EIF4E3: variants seen among roughly 807,000 people sequenced by gnomAD.
EIF4E3 encodes the protein eukaryotic translation initiation factor 4E type 3.
In EIF4E3, 26 loss-of-function variants were observed where a neutral mutation model predicts 31.7. The ratio of observed to expected loss-of-function variants is 0.82; its 90% CI spans 0.60 to 1.14. The LOEUF is 1.14. Among genes scored for constraint, EIF4E3 ranks in the 50% most tolerant of loss-of-function variants. The pLI is 0.00. For missense variants in EIF4E3, 304 were observed against 270.9 expected (o/e 1.12, Z -0.86); for synonymous variants, 128 against 107.7 (o/e 1.19, Z -1.17).
intron 3 of EIF4E3, among the ~76,000 whole-genome samples, chr3:71,699,137 G>C (rs1484198116): frequency 1.3e-5 from 2 of 152,238 alleles, no homozygotes; most frequent in South Asian, 4.1e-4. Flanking sequence ...TGAGGTGGGA[G>C]GTTCACCTGA....
At chr3:71,720,014 A>T (rs958211704) in intron 1 of EIF4E3, among the ~76,000 whole-genome samples, 1 of 151,272 alleles carries the variant, frequency 6.6e-6, no homozygotes, top group East Asian at 1.9e-4. Context: ...CCTGTCTCAA[A>T]ATATATATAT....
At chr3:71,699,809 A>T in intron 2 of EIF4E3, 101 bp from the exon 3 acceptor site, 1 of 921,474 alleles carries the variant, frequency 1.1e-6, no homozygotes, top group Non-Finnish European at 1.7e-6. Context: ...TTTGATTCTC[A>T]TTGTTTTATC....
Position 71,704,261 on chromosome 3 carries a change from G to GGA in EIF4E3, c.250-4555_250-4554dup, listed in dbSNP as rs2049259394. Among the ~76,000 whole-genome samples, 3 of 152,200 alleles carry GGA rather than the reference G, an allele frequency of 2.0e-5. No individual in the cohort carries two copies. The South Asian group carries it at 6.2e-4, about 31-fold the overall frequency. ...CTCTGAGTTGGGGAGTTAAAAGCTT[G>GGA]GAGAGAGAGGACAGTGGGGTTAAAA... On this transcript the variant is annotated intron_variant, in intron 2 of 6. Transcript: ENST00000425534.
intron 1 of EIF4E3, among the ~76,000 whole-genome samples, chr3:71,712,546 T>C (rs1198615955): frequency 1.4e-5 from 2 of 144,568 alleles, no homozygotes; most frequent in Non-Finnish European, 3.0e-5. Context: ...CTCTACTACA[T>C]ATGCCCAGTA....
At position 71,677,418 on chromosome 3, in the gene EIF4E3, T is replaced by C. The variant is rs953528587; in HGVS notation, c.*7264A>G. The C allele has an allele frequency of 6.6e-6, 1 of 152,148 alleles. No homozygotes were observed. Among genetic ancestry groups the C allele is most frequent in the Non-Finnish European group, 1.5e-5 (1 of 68,022 alleles). The allele number at this position is 152,148 out of a possible 1,614,324, so 9.4% of individuals were successfully genotyped here. A position where few individuals can be genotyped will look rare whatever the true frequency, so the allele number is the denominator to read the frequency against. On this transcript the variant is annotated 3_prime_UTR_variant, in exon 7 of 7. Transcript: ENST00000425534. Reference sequence around the variant, plus strand: ...AAGGATCACTGAGGAAGAAAAGGCATGCATGGTCTTGGCTTCCAAGAAAAC... The same window carrying C: ...AAGGATCACTGAGGAAGAAAAGGCACGCATGGTCTTGGCTTCCAAGAAAAC...
intron 1 of EIF4E3, among the ~76,000 whole-genome samples, chr3:71,750,350 T>C (rs1287676431): frequency 1.3e-5 from 2 of 152,098 alleles, no homozygotes; most frequent in Non-Finnish European, 1.5e-5. Flanking sequence ...ATAAAAAATA[T>C]GAAGATTTAA....
At position 71,681,299 on chromosome 3, in the gene EIF4E3, C is replaced by A. The variant is rs1321488440; in HGVS notation, c.*3383G>T. 1 of 152,200 alleles carries A rather than the reference C, an allele frequency of 6.6e-6. No homozygotes were observed. Among genetic ancestry groups the A allele is most frequent in the Non-Finnish European group, 1.5e-5 (1 of 68,032 alleles). The allele number at this position is 152,200 out of a possible 1,614,324, so 9.4% of individuals were successfully genotyped here. A position where few individuals can be genotyped will look rare whatever the true frequency, so the allele number is the denominator to read the frequency against. On this transcript the variant is annotated 3_prime_UTR_variant, in exon 7 of 7. Transcript: ENST00000425534. ...TAGCTGGATAAATTCTGCTGCTGAG[C>A]CAGAACTGTTGGCTGGAAGGCAGCG... is the stretch of plus-strand genomic sequence containing the variant.
upstream of EIF4E3, chr3:71,754,198 A>G (rs751505827): frequency 7.1e-7 from 1 of 1,415,286 alleles, no homozygotes; most frequent in South Asian, 1.3e-5. This position sits in a 1 kb window ranked among gnomAD's most constrained non-coding sequence, Gnocchi z 5.8. Context: ...CGCAGCCTGC[A>G]CCGCGCCCCG....
chr3:71,733,301 G>C (rs1048369050), intron 1 of EIF4E3, among the ~76,000 whole-genome samples: 1 of 152,138 alleles, frequency 6.6e-6, no homozygotes, highest in Non-Finnish European at 1.5e-5. Context: ...ATAACTGCTC[G>C]CCTAGTGGGA....
chr3:71,695,018 TA>T (rs1297862897), intron 4 of EIF4E3, among the ~76,000 whole-genome samples: 1 of 152,230 alleles, frequency 6.6e-6, no homozygotes, highest in Non-Finnish European at 1.5e-5. Flanking sequence ...GCTGAATCTT[TA>T]ACCAAGGCCA....
chr3:71,709,238 T>A (rs775353148), intron 2 of EIF4E3, among the ~76,000 whole-genome samples: 1 of 152,154 alleles, frequency 6.6e-6, no homozygotes, highest in Non-Finnish European at 1.5e-5. Flanking sequence ...TCTAGAAAAT[T>A]TATGGACATA....
intron 4 of EIF4E3, among the ~76,000 whole-genome samples, chr3:71,695,174 A>T (rs1417908245): frequency 6.6e-6 from 1 of 152,102 alleles, no homozygotes; most frequent in African/African-American, 2.4e-5. Flanking sequence ...TCAAGCTGTT[A>T]CTGATGAAGT....
Position 71,707,335 on chromosome 3 carries a change from T to C in EIF4E3, c.249+3077A>G, listed in dbSNP as rs560998241. 5.8e-4 allele frequency among the ~76,000 whole-genome samples: 88 copies of C among 152,314 alleles called. 2 individuals are homozygous for C. Among genetic ancestry groups the C allele is most frequent in the South Asian group, 4.4e-3 (21 of 4,824 alleles). ...CACATATGGGACATCAACCAAGGCA[T>C]TGTGACAACCCTAGCCCACACCCTA... is the stretch of plus-strand genomic sequence containing the variant. On this transcript the variant is annotated intron_variant, in intron 2 of 6. Coordinates refer to ENST00000425534, the MANE Select transcript of EIF4E3 (RefSeq NM_001134651.2).
At chr3:71,737,700 G>C (rs973429088) in intron 1 of EIF4E3, among the ~76,000 whole-genome samples, 1 of 152,004 alleles carries the variant, frequency 6.6e-6, no homozygotes, top group African/African-American at 2.4e-5. Context: ...CTAAGGCAGG[G>C]GGATTGCTTG....
At chr3:71,700,279 TC>T (rs1280804858) in intron 2 of EIF4E3, among the ~76,000 whole-genome samples, 1 of 152,212 alleles carries the variant, frequency 6.6e-6, no homozygotes, top group Non-Finnish European at 1.5e-5. Flanking sequence ...AAGCAAACAT[TC>T]CTATGCAACA....
At chr3:71,738,748 G>A (rs1406965676) in intron 1 of EIF4E3, among the ~76,000 whole-genome samples, 2 of 151,878 alleles carry the variant, frequency 1.3e-5, no homozygotes, top group African/African-American at 4.8e-5. Flanking sequence ...GGATAGAACT[G>A]CTAGACAGAA....
chr3:71,700,217 G>A (rs1472941609), intron 2 of EIF4E3, among the ~76,000 whole-genome samples: 1 of 152,052 alleles, frequency 6.6e-6, no homozygotes, highest in African/African-American at 2.4e-5. Context: ...AAGAAAAGAT[G>A]TTCCTTGCTG....
At chr3:71,706,396 T>C (rs1235245330) in intron 2 of EIF4E3, among the ~76,000 whole-genome samples, 1 of 152,188 alleles carries the variant, frequency 6.6e-6, no homozygotes, top group Non-Finnish European at 1.5e-5. Flanking sequence ...ATAAAAAGAC[T>C]CATATGTCTT....
intron 1 of EIF4E3, among the ~76,000 whole-genome samples, chr3:71,715,415 C>T (rs1353081250): frequency 2.0e-5 from 3 of 152,236 alleles, no homozygotes; most frequent in African/African-American, 7.2e-5. Flanking sequence ...ACCAGCATCC[C>T]TCCTCTCTCG....
Sources: gnomAD v4.1 joint callset for allele counts (sites outside exome capture counted in the v4.1 genomes callset) on GRCh38, gnomAD v4.1.1 for gene constraint, Gnocchi (gnomAD v3.1) non-coding constraint, MANE v1.5 for transcripts, NCBI Gene and HGNC (gene_info 2026-07-23, HGNC 2026-07-21) for gene names.